The following TBCK variants were observed in gnomAD, a reference collection of about 807,000 sequenced individuals.
TBCK encodes TBC1 domain containing kinase.
A neutral mutation model predicts 113.4 loss-of-function variants in TBCK; 99 were observed. That is an observed-to-expected ratio of 0.87 (90% confidence interval 0.74 to 1.03). The LOEUF (loss-of-function observed/expected upper bound fraction) is 1.03. Ranked by LOEUF, TBCK falls within the 50% of genes least tolerant of loss-of-function variation. TBCK has a pLI of 0.00. For synonymous variants in TBCK, 369 were observed against 370.8 expected (o/e 1.00, Z 0.05); for missense variants, 1,045 against 1,061.3 (o/e 0.98, Z 0.21).
At chr4:106,119,631 A>T (rs1467200440) in intron 23 of TBCK, among the ~76,000 whole-genome samples, 1 of 152,196 alleles carries the variant, frequency 6.6e-6, no homozygotes, top group East Asian at 1.9e-4. Context: ...AGACCTCAAA[A>T]GCACAGGCAA....
intron 2 of TBCK, among the ~76,000 whole-genome samples, chr4:106,299,340 C>T (rs1028606777): frequency 6.6e-6 from 1 of 152,172 alleles, no homozygotes; most frequent in Admixed American, 6.5e-5. Flanking sequence ...GTAGCACTGA[C>T]TTTCATGTAA....
chr4:106,198,999 T>C (rs1274022137), intron 20 of TBCK, among the ~76,000 whole-genome samples: 1 of 152,148 alleles, frequency 6.6e-6, no homozygotes, highest in Non-Finnish European at 1.5e-5. Context: ...ATTAATTCAA[T>C]ATTTACTAAG....
At chr4:106,212,915 T>A in intron 19 of TBCK, 80 bp from the exon 20 acceptor site, 1 of 898,696 alleles carries the variant, frequency 1.1e-6, no homozygotes, top group Non-Finnish European at 1.8e-6. Flanking sequence ...GTTTTATTTA[T>A]ACATTGAATG....
intron 23 of TBCK, among the ~76,000 whole-genome samples, chr4:106,146,941 G>A (rs1747870531): frequency 6.6e-6 from 1 of 152,176 alleles, no homozygotes; most frequent in African/African-American, 2.4e-5. Context: ...TAAATGCATT[G>A]TTATCATTCC....
chr4:106,297,839 C>G (rs1766471773), intron 2 of TBCK: 1 of 152,130 alleles, frequency 6.6e-6, no homozygotes, highest in Non-Finnish European at 1.5e-5. Context: ...ATTTTCTAAC[C>G]TCTCTATGCC....
At chr4:106,070,533 T>C (rs1385697110) in intron 25 of TBCK, among the ~76,000 whole-genome samples, 1 of 152,154 alleles carries the variant, frequency 6.6e-6, no homozygotes, top group Non-Finnish European at 1.5e-5. Flanking sequence ...TGCTGCTGGA[T>C]TCAGTTTGCC....
At chr4:106,190,027 T>C (rs1199877979) in intron 22 of TBCK, among the ~76,000 whole-genome samples, 1 of 152,196 alleles carries the variant, frequency 6.6e-6, no homozygotes, top group Admixed American at 6.5e-5. Flanking sequence ...CCTAACTCCC[T>C]GTTTTAAACT....
chr4:106,294,485 CTT>C (rs147484754), intron 3 of TBCK, among the ~76,000 whole-genome samples: 14 of 141,744 alleles, frequency 9.9e-5, no homozygotes, highest in Admixed American at 1.4e-4. Context: ...GGAAAATAAT[CTT>C]TTTTTTTTTT....
chr4:106,180,856 C>CT (rs972307931), intron 22 of TBCK, among the ~76,000 whole-genome samples: 3 of 152,150 alleles, frequency 2.0e-5, no homozygotes, highest in Admixed American at 6.6e-5. Flanking sequence ...GTGCATGTCT[C>CT]TTTTTTGTAG....
At chr4:106,133,716 G>T (rs942332231) in intron 23 of TBCK, among the ~76,000 whole-genome samples, 1 of 152,188 alleles carries the variant, frequency 6.6e-6, no homozygotes, top group Non-Finnish European at 1.5e-5. Context: ...TTGGCTACAT[G>T]TAAGAATATT....
upstream of TBCK, chr4:106,316,358 G>GC: frequency 1.6e-6 from 1 of 607,272 alleles, no homozygotes; most frequent in South Asian, 2.0e-5. Flanking sequence ...CGGGGGGACG[G>GC]GGGGGGTCGA....
At chr4:106,209,630 C>T (rs1755906582) in intron 20 of TBCK, among the ~76,000 whole-genome samples, 2 of 152,162 alleles carry the variant, frequency 1.3e-5, no homozygotes, top group African/African-American at 4.8e-5. Flanking sequence ...TCAGGACCAT[C>T]AACAATGCTT....
intron 20 of TBCK, among the ~76,000 whole-genome samples, chr4:106,210,492 C>A (rs1191294704): frequency 6.6e-6 from 1 of 152,118 alleles, no homozygotes; most frequent in Admixed American, 6.5e-5. Flanking sequence ...AAGGAGGGTA[C>A]AATCAAATCT....
intron 24 of TBCK, among the ~76,000 whole-genome samples, chr4:106,108,516 TAACTC>T (rs1480946321): frequency 1.3e-5 from 2 of 152,192 alleles, no homozygotes; most frequent in Non-Finnish European, 2.9e-5. Context: ...ACTACATAAT[TAACTC>T]AACAGATCCA....
intron 22 of TBCK, among the ~76,000 whole-genome samples, chr4:106,178,273 T>A (rs1751922276): frequency 6.6e-6 from 1 of 151,962 alleles, no homozygotes; most frequent in African/African-American, 2.4e-5. Context: ...TGAAAAAGAA[T>A]AATTTGAGTT....
At chr4:106,288,788 C>T (rs545687224) in intron 3 of TBCK, among the ~76,000 whole-genome samples, 1 of 152,278 alleles carries the variant, frequency 6.6e-6, no homozygotes, top group Admixed American at 6.5e-5. Context: ...TTCCAAAATC[C>T]AAAATTTTTT....
chr4:106,183,039 T>C (rs974264770), intron 22 of TBCK, among the ~76,000 whole-genome samples: 2 of 152,060 alleles, frequency 1.3e-5, no homozygotes, highest in African/African-American at 4.8e-5. Flanking sequence ...TAAGAGAGAA[T>C]TCTAAAATAT....
chr4:106,208,934 G>T (rs1009755460), intron 20 of TBCK, among the ~76,000 whole-genome samples: 1 of 152,152 alleles, frequency 6.6e-6, no homozygotes, highest in Non-Finnish European at 1.5e-5. Context: ...GTAGGTCATG[G>T]CATGCCTGGC....
chr4:106,096,292 CT>C (rs202205386), intron 24 of TBCK, among the ~76,000 whole-genome samples: 6,262 of 152,154 alleles, frequency 0.041, 433 homozygotes, highest in African/African-American at 0.14. Flanking sequence ...TCTGATGGTA[CT>C]TTTTTAAAAA....
Sources: allele counts gnomAD v4.1 joint callset (sites outside exome capture counted in the v4.1 genomes callset), GRCh38; gene constraint gnomAD v4.1.1; transcripts MANE v1.5; gene names NCBI Gene and HGNC (gene_info 2026-07-23, HGNC 2026-07-21).